The following ANO3 variants were observed in gnomAD, a reference collection of about 807,000 sequenced individuals.
ANO3 encodes the protein anoctamin 3, also known as anoctamin-3.
In ANO3, 99 loss-of-function variants were observed where a neutral mutation model predicts 144.8. That is an observed-to-expected ratio of 0.68 (90% CI 0.58 to 0.81). The LOEUF (loss-of-function observed/expected upper bound fraction) is 0.81, where lower values mean the gene tolerates loss of function less well. ANO3 is among the 30% of genes least tolerant of loss of function. ANO3 has a pLI of 0.00. For missense variants in ANO3, 905 were observed against 1,202.2 expected (o/e 0.75, Z 3.66); for synonymous variants, 414 against 392.6 (o/e 1.05, Z -0.64).
intron 1 of ANO3, among the ~76,000 whole-genome samples, chr11:26,399,604 T>G (rs1857097778): frequency 6.6e-6 from 1 of 151,942 alleles, no homozygotes; most frequent in Non-Finnish European, 1.5e-5. Context: ...ATTATATTAT[T>G]TACCAGCAGT....
chr11:26,305,793 A>G (rs1854366648), upstream of ANO3, among the ~76,000 whole-genome samples: 1 of 152,196 alleles, frequency 6.6e-6, no homozygotes. Flanking sequence ...CATGCTCCTC[A>G]ACTGCATTTA....
At chr11:26,461,369 C>T (rs1859389157) in intron 3 of ANO3, among the ~76,000 whole-genome samples, 1 of 152,016 alleles carries the variant, frequency 6.6e-6, no homozygotes, top group African/African-American at 2.4e-5. Context: ...ACCTGTGTGT[C>T]TAACTGCCTC....
intron 4 of ANO3, among the ~76,000 whole-genome samples, chr11:26,463,650 A>G (rs1174013423): frequency 6.6e-6 from 1 of 151,936 alleles, no homozygotes; most frequent in African/African-American, 2.4e-5. Context: ...AAGATTGAGA[A>G]TACCTTATTG....
At chr11:26,293,186 C>G (rs1341305253) in intron 1 of ANO3, among the ~76,000 whole-genome samples, 1 of 151,942 alleles carries the variant, frequency 6.6e-6, no homozygotes, top group East Asian at 1.9e-4. Context: ...TGGCACAGGC[C>G]ATCGATGAAA....
intron 21 of ANO3, among the ~76,000 whole-genome samples, chr11:26,640,397 A>G (rs35290179): frequency 0.38 from 57,490 of 152,082 alleles, 11,736 homozygotes; most frequent in South Asian, 0.49. Flanking sequence ...CAAAGAGAGA[A>G]TAGAAGATGG....
intron 17 of ANO3, among the ~76,000 whole-genome samples, chr11:26,608,576 A>G (rs779006577): frequency 2.0e-5 from 3 of 152,174 alleles, no homozygotes. Context: ...TAGAAACTGC[A>G]GCCACCCCTG....
chr11:26,210,239 A>G (rs7952050), intron 1 of ANO3, among the ~76,000 whole-genome samples: 45,983 of 152,016 alleles, frequency 0.3, 7,702 homozygotes, highest in Non-Finnish European at 0.37. Context: ...TTATTAAATA[A>G]GGAATCCTTC....
chr11:26,420,301 T>C (rs1857715407), intron 1 of ANO3, among the ~76,000 whole-genome samples: 1 of 152,066 alleles, frequency 6.6e-6, no homozygotes, highest in Non-Finnish European at 1.5e-5. Context: ...AGTGCATATG[T>C]TGCTTTCTAC....
intron 1 of ANO3, among the ~76,000 whole-genome samples, chr11:26,211,981 T>A (rs1156724663): frequency 6.6e-6 from 1 of 152,102 alleles, no homozygotes; most frequent in East Asian, 1.9e-4. Context: ...CACTGCATGT[T>A]CTCACTGATA....
At chr11:26,404,558 T>C (rs559148785) in intron 1 of ANO3, among the ~76,000 whole-genome samples, 53 of 151,958 alleles carry the variant, frequency 3.5e-4, no homozygotes, top group South Asian at 1.9e-3. Context: ...CGAAATATTG[T>C]TGATACTCAA....
intron 4 of ANO3, chr11:26,474,096 C>T: frequency 1.0e-6 from 1 of 985,040 alleles, no homozygotes. Context: ...ATGAAGGATT[C>T]CAAATGCAGC....
At chr11:26,470,762 G>A (rs1355323408) in intron 4 of ANO3, among the ~76,000 whole-genome samples, 4 of 151,900 alleles carry the variant, frequency 2.6e-5, no homozygotes, top group South Asian at 2.1e-4. Flanking sequence ...TTTTAACACC[G>A]GGTGGTAAAA....
chr11:26,492,598 C>A (rs752754601), intron 4 of ANO3, among the ~76,000 whole-genome samples: 2 of 152,170 alleles, frequency 1.3e-5, no homozygotes, highest in Non-Finnish European at 2.9e-5. Flanking sequence ...AAAATATCAT[C>A]ATTTGATAAT....
intron 3 of ANO3, among the ~76,000 whole-genome samples, chr11:26,451,865 G>A (rs1255089276): frequency 6.6e-6 from 1 of 152,094 alleles, no homozygotes; most frequent in Non-Finnish European, 1.5e-5. Context: ...ACCTCACATG[G>A]CCGGGTACTC....
chr11:26,564,716 CACACACACACACACACATATATATAT>C (rs1219592450), intron 14 of ANO3, among the ~76,000 whole-genome samples: 124 of 74,252 alleles, frequency 1.7e-3, no homozygotes, highest in Non-Finnish European at 2.8e-3. Context: ...CACACACACA[CACACACACACACACACATATATATAT>C]ATATATATAT....
chr11:26,534,606 T>C, intron 9 of ANO3, 44 bp downstream of exon 9: 1 of 1,336,490 alleles, frequency 7.5e-7, no homozygotes, highest in Non-Finnish European at 1.1e-6. Context: ...GCTGTTACTA[T>C]TTATACCCAG....
At chr11:26,647,295 A>G (rs1853376698) in intron 23 of ANO3, among the ~76,000 whole-genome samples, 2 of 152,192 alleles carry the variant, frequency 1.3e-5, no homozygotes, top group Admixed American at 1.3e-4. Flanking sequence ...AAGACATTTG[A>G]CAAAGATAAA....
At chr11:26,234,419 C>T (rs2133805149) in intron 1 of ANO3, among the ~76,000 whole-genome samples, 1 of 152,254 alleles carries the variant, frequency 6.6e-6, no homozygotes, top group South Asian at 2.1e-4. Flanking sequence ...TAGACAATTA[C>T]CTTGATATGG....
chr11:26,530,329 A>C (rs1849330658), intron 7 of ANO3, among the ~76,000 whole-genome samples: 1 of 152,136 alleles, frequency 6.6e-6, no homozygotes, highest in South Asian at 2.1e-4. Flanking sequence ...GCTGTCTACC[A>C]CACTTATGAC....
Sources: allele counts gnomAD v4.1 joint callset (sites outside exome capture counted in the v4.1 genomes callset), GRCh38; gene constraint gnomAD v4.1.1; transcripts MANE v1.5; gene names NCBI Gene and HGNC (gene_info 2026-07-23, HGNC 2026-07-21).